The following SOX6 variants were observed in gnomAD, a reference collection of about 807,000 sequenced individuals.
The protein encoded by SOX6 is transcription factor SOX-6.
A neutral mutation model predicts 97.8 loss-of-function variants in SOX6; 11 were observed. That is an observed-to-expected ratio of 0.11 (90% CI 0.07 to 0.19). The LOEUF (loss-of-function observed/expected upper bound fraction) is 0.19. Among genes scored for constraint, SOX6 ranks in the 10% least tolerant of loss-of-function variants. The pLI, the probability that SOX6 is intolerant of heterozygous loss-of-function variation, is 1.00. For missense variants in SOX6, 810 were observed against 1,039.5 expected (o/e 0.78, Z 3.04); for synonymous variants, 360 against 371.4 (o/e 0.97, Z 0.35).
In SOX6 at chr11:16,093,899, G is replaced by T. The variant is rs185829706; in HGVS notation, c.1101+2097C>A. 2.2e-4 allele frequency among the ~76,000 whole-genome samples: 34 copies of T among 151,970 alleles called. 1 individual carries two copies. The highest frequency in any genetic ancestry group is 2.2e-3 in the Admixed American group (33 of 15,230). ...ATGGGTGTCTACTATGCTATTCACA[G>T]ATGTCCCAATAAACATGCTATACTC... On this transcript the variant is annotated intron_variant, in intron 9 of 15. Transcript: ENST00000683767.
At chr11:16,153,586 A>G (rs942292979) in intron 6 of SOX6, among the ~76,000 whole-genome samples, 16 of 152,172 alleles carry the variant, frequency 1.1e-4, no homozygotes, top group Admixed American at 5.2e-4. Context: ...AACTGAACAC[A>G]TAAGACTGAA....
At chr11:16,525,017 G>A (rs1486481306) in intron 4 of SOX6, among the ~76,000 whole-genome samples, 1 of 152,152 alleles carries the variant, frequency 6.6e-6, no homozygotes, top group Non-Finnish European at 1.5e-5. Context: ...CCATGCTCAT[G>A]GGTAGGAAGA....
At chr11:16,728,535 C>T (rs543162979) in intron 2 of SOX6, among the ~76,000 whole-genome samples, 2 of 152,308 alleles carry the variant, frequency 1.3e-5, no homozygotes. Flanking sequence ...ATAGCATCAA[C>T]ATCAACGGAA....
chr11:16,246,065 C>T (rs1012698832), intron 3 of SOX6, among the ~76,000 whole-genome samples: 3 of 150,758 alleles, frequency 2.0e-5, no homozygotes. Flanking sequence ...ATTAACTATA[C>T]CTCTTTATTT....
intron 4 of SOX6, among the ~76,000 whole-genome samples, chr11:16,552,177 G>A (rs1387074874): frequency 6.6e-6 from 1 of 151,978 alleles, no homozygotes; most frequent in African/African-American, 2.4e-5. Flanking sequence ...AAAAAAATTA[G>A]TACTTTTTGA....
At chr11:16,368,710 A>C (rs1857424997) in intron 1 of SOX6, among the ~76,000 whole-genome samples, 1 of 152,158 alleles carries the variant, frequency 6.6e-6, no homozygotes, top group South Asian at 2.1e-4. Flanking sequence ...TGACACAAGC[A>C]ACAAAAAAAA....
At chr11:16,714,451 C>CT (rs761435639) in intron 3 of SOX6, among the ~76,000 whole-genome samples, 1,592 of 116,318 alleles carry the variant, frequency 0.014, 33 homozygotes, top group East Asian at 0.053. Flanking sequence ...AATTTTCTTT[C>CT]TTTTTTTTTT....
chr11:16,423,422 T>A (rs530842901), intron 1 of SOX6, among the ~76,000 whole-genome samples: 1 of 152,280 alleles, frequency 6.6e-6, no homozygotes, highest in South Asian at 2.1e-4. Context: ...GAAAATAAGA[T>A]CCTTGTGACG....
At chr11:16,116,948 C>T (rs549765434) in intron 6 of SOX6, among the ~76,000 whole-genome samples, 2 of 152,152 alleles carry the variant, frequency 1.3e-5, no homozygotes, top group Non-Finnish European at 2.9e-5. Flanking sequence ...AACCATCCCC[C>T]CTCCCCTACC....
chr11:16,172,174 G>T (rs1033680059), intron 6 of SOX6, among the ~76,000 whole-genome samples: 1 of 151,862 alleles, frequency 6.6e-6, no homozygotes, highest in African/African-American at 2.4e-5. Context: ...AAACAAGAGA[G>T]ACTAGGAAAA....
chr11:16,427,778 C>T (rs1252513736), intron 1 of SOX6, among the ~76,000 whole-genome samples: 7 of 152,066 alleles, frequency 4.6e-5, no homozygotes, highest in Non-Finnish European at 7.4e-5. Flanking sequence ...TGAATAGTGC[C>T]GCAATAAACA....
intron 3 of SOX6, among the ~76,000 whole-genome samples, chr11:16,681,508 G>A (rs1267997635): frequency 1.3e-5 from 2 of 152,108 alleles, no homozygotes; most frequent in Non-Finnish European, 2.9e-5. Flanking sequence ...GAGAAAGCAG[G>A]AAAGATCTAA....
intron 1 of SOX6, among the ~76,000 whole-genome samples, chr11:16,347,508 A>C (rs908431743): frequency 8.5e-5 from 13 of 152,260 alleles, no homozygotes; most frequent in African/African-American, 2.9e-4. Flanking sequence ...GTGTGGCTGG[A>C]GTGAAAGAAA....
At chr11:16,478,088 G>T (rs994041683), upstream of SOX6, among the ~76,000 whole-genome samples, 1 of 152,116 alleles carries the variant, frequency 6.6e-6, no homozygotes, top group East Asian at 1.9e-4. Context: ...GCTATCCCCC[G>T]CTGAGTTATA....
intron 4 of SOX6, among the ~76,000 whole-genome samples, chr11:16,206,290 T>G (rs1852070195): frequency 6.6e-6 from 1 of 152,154 alleles, no homozygotes; most frequent in Non-Finnish European, 1.5e-5. Context: ...TTTATCTCTT[T>G]ATATTTACAA....
intron 4 of SOX6, among the ~76,000 whole-genome samples, chr11:16,510,667 T>C (rs1860867361): frequency 6.6e-6 from 1 of 152,100 alleles, no homozygotes; most frequent in African/African-American, 2.4e-5. Flanking sequence ...TGTTAAATTA[T>C]GATTATTAAT....
intron 3 of SOX6, among the ~76,000 whole-genome samples, chr11:16,296,214 C>A (rs926314354): frequency 6.6e-6 from 1 of 152,074 alleles, no homozygotes; most frequent in Non-Finnish European, 1.5e-5. Context: ...GAGTTTTAAG[C>A]CACAATTATT....
At chr11:16,273,560 C>T (rs570022352) in intron 3 of SOX6, among the ~76,000 whole-genome samples, 1 of 151,870 alleles carries the variant, frequency 6.6e-6, no homozygotes, top group Non-Finnish European at 1.5e-5. Context: ...AGTTCTCCCC[C>T]ACATCTACCT....
intron 13 of SOX6, among the ~76,000 whole-genome samples, chr11:15,996,151 T>G (rs562487524): frequency 6.6e-6 from 1 of 152,168 alleles, no homozygotes; most frequent in Non-Finnish European, 1.5e-5. Flanking sequence ...CATCGTATTG[T>G]GGGACTTATA....
Sources: gnomAD v4.1 joint callset for allele counts (sites outside exome capture counted in the v4.1 genomes callset) on GRCh38, gnomAD v4.1.1 for gene constraint, MANE v1.5 for transcripts, NCBI Gene and HGNC (gene_info 2026-07-23, HGNC 2026-07-21) for gene names.